ATP10B: variants seen among roughly 807,000 people sequenced by gnomAD.
The protein encoded by ATP10B is phospholipid-transporting ATPase VB.
In ATP10B, 122 loss-of-function variants were observed where a neutral mutation model predicts 141.2. The ratio of observed to expected loss-of-function variants is 0.86; its 90% CI spans 0.75 to 1.00. The LOEUF (loss-of-function observed/expected upper bound fraction) is 1.00. Among genes scored for constraint, ATP10B ranks in the 50% least tolerant of loss-of-function variants. ATP10B has a pLI of 0.00. For synonymous variants in ATP10B, 685 were observed against 692.0 expected, an observed-to-expected ratio of 0.99 and a Z score of 0.16; for missense variants, 1,876 against 1,825.3, an observed-to-expected ratio of 1.03 and a Z score of -0.51.
intron 24 of ATP10B, among the ~76,000 whole-genome samples, chr5:160,578,965 G>C (rs1259534850): frequency 3.3e-5 from 5 of 152,108 alleles, no homozygotes; most frequent in Non-Finnish European, 7.4e-5. Context: ...ATGTTTGTTG[G>C]CCACATAAAT....
At chr5:160,779,222 T>C (rs764130392) in intron 2 of ATP10B, among the ~76,000 whole-genome samples, 6 of 152,186 alleles carry the variant, frequency 3.9e-5, no homozygotes, top group Non-Finnish European at 5.9e-5. Context: ...ATTGCAGCAT[T>C]GTATATAAAA....
At chr5:160,761,603 C>G (rs1029398240) in intron 2 of ATP10B, among the ~76,000 whole-genome samples, 11 of 152,132 alleles carry the variant, frequency 7.2e-5, no homozygotes, top group African/African-American at 2.7e-4. Flanking sequence ...AGTTTTAGAC[C>G]TTCCCACTGA....
At chr5:160,719,197 G>A (rs1015626975) in intron 2 of ATP10B, among the ~76,000 whole-genome samples, 1 of 152,104 alleles carries the variant, frequency 6.6e-6, no homozygotes, top group African/African-American at 2.4e-5. Flanking sequence ...TCAGGAGATC[G>A]AGACCATCCT....
chr5:160,760,433 G>T (rs2127838442), intron 2 of ATP10B, among the ~76,000 whole-genome samples: 1 of 152,258 alleles, frequency 6.6e-6, no homozygotes. Context: ...CAAAACAAGG[G>T]ATTTCTGCTT....
At chr5:160,610,506 C>T (rs529359152) in intron 18 of ATP10B, among the ~76,000 whole-genome samples, 1 of 152,224 alleles carries the variant, frequency 6.6e-6, no homozygotes, top group East Asian at 1.9e-4. Flanking sequence ...CCACAGAAAC[C>T]ATAAGATAAT....
intron 2 of ATP10B, among the ~76,000 whole-genome samples, chr5:160,755,989 T>C (rs1581472204): frequency 6.6e-6 from 1 of 150,766 alleles, no homozygotes; most frequent in Non-Finnish European, 1.5e-5. Flanking sequence ...TTGACATATG[T>C]ATACATTCAT....
chr5:160,829,975 C>T (rs1774949756), intron 1 of ATP10B, among the ~76,000 whole-genome samples: 1 of 152,092 alleles, frequency 6.6e-6, no homozygotes, highest in South Asian at 2.1e-4. Flanking sequence ...CTGACTAGGA[C>T]TTCCAGTACT....
intron 1 of ATP10B, among the ~76,000 whole-genome samples, chr5:160,803,449 G>A (rs1319850144): frequency 6.6e-6 from 1 of 152,156 alleles, no homozygotes; most frequent in Non-Finnish European, 1.5e-5. Flanking sequence ...AGGCTGAGGA[G>A]GGCAGATCAC....
the ATP10B span, among the ~76,000 whole-genome samples, chr5:160,922,705 A>T: frequency 1.3e-5 from 2 of 152,260 alleles, no homozygotes; most frequent in Non-Finnish European, 2.9e-5. Flanking sequence ...TTGTCTTAGA[A>T]GCTGACATAC....
chr5:160,789,324 G>A (rs1187677851), intron 1 of ATP10B, among the ~76,000 whole-genome samples: 1 of 152,066 alleles, frequency 6.6e-6, no homozygotes, highest in Non-Finnish European at 1.5e-5. Flanking sequence ...TTTTTATTGT[G>A]TAAACACCAT....
intron 24 of ATP10B, among the ~76,000 whole-genome samples, chr5:160,587,470 A>C (rs1193459504): frequency 6.6e-6 from 1 of 152,164 alleles, no homozygotes; most frequent in Non-Finnish European, 1.5e-5. Flanking sequence ...TCTGTGAATA[A>C]TGTTGATGGT....
chr5:160,779,907 G>T (rs951487849), intron 2 of ATP10B, among the ~76,000 whole-genome samples: 5 of 152,140 alleles, frequency 3.3e-5, no homozygotes, highest in African/African-American at 1.2e-4. Flanking sequence ...ACACATGGTA[G>T]ACATCACTGA....
chr5:160,650,890 C>A (rs189103371), intron 7 of ATP10B, among the ~76,000 whole-genome samples: 11 of 152,238 alleles, frequency 7.2e-5, no homozygotes, highest in Admixed American at 1.3e-4. Flanking sequence ...TATTGGGCCA[C>A]GAGAAATAGC....
At chr5:160,733,792 A>G (rs1766915014) in intron 2 of ATP10B, among the ~76,000 whole-genome samples, 3 of 151,950 alleles carry the variant, frequency 2.0e-5, no homozygotes, top group Non-Finnish European at 4.4e-5. Context: ...TCAGAATTAT[A>G]TAAGCAACAA....
intron 1 of ATP10B, among the ~76,000 whole-genome samples, chr5:160,825,879 G>C (rs1468537880): frequency 3.3e-5 from 5 of 152,142 alleles, no homozygotes; most frequent in African/African-American, 9.7e-5. Flanking sequence ...TCAATGTTTA[G>C]CTCCAATTTA....
intron 3 of ATP10B, among the ~76,000 whole-genome samples, chr5:160,715,480 C>G (rs866622514): frequency 6.7e-4 from 96 of 143,170 alleles, no homozygotes; most frequent in Non-Finnish European, 1.3e-3. Flanking sequence ...GGCTCGCGCA[C>G]GGTGCGCACA....
chr5:160,895,007 G>C, the ATP10B span, among the ~76,000 whole-genome samples: 3 of 152,184 alleles, frequency 2.0e-5, no homozygotes, highest in Non-Finnish European at 4.4e-5. Context: ...CAAATGCTAA[G>C]AGATTTTGTC....
chr5:160,653,305 T>C (rs1258779523), intron 7 of ATP10B, among the ~76,000 whole-genome samples: 1 of 129,196 alleles, frequency 7.7e-6, no homozygotes, highest in Non-Finnish European at 1.6e-5. Context: ...CATACGTACA[T>C]ACATACATAG....
At chr5:160,846,224 C>G (rs1776107355) in intron 1 of ATP10B, among the ~76,000 whole-genome samples, 1 of 152,082 alleles carries the variant, frequency 6.6e-6, no homozygotes, top group Admixed American at 6.6e-5. Flanking sequence ...AAATTTGATT[C>G]TAGTACAATA....
Sources: gnomAD v4.1 joint callset for allele counts (sites outside exome capture counted in the v4.1 genomes callset) on GRCh38, gnomAD v4.1.1 for gene constraint, MANE v1.5 for transcripts, NCBI Gene and HGNC (gene_info 2026-07-23, HGNC 2026-07-21) for gene names.